The following PRSS12 variants were observed in gnomAD, a reference collection of about 807,000 sequenced individuals.
PRSS12 encodes the protein serine protease 12, also known as neurotrypsin.
PRSS12 carries 85 observed loss-of-function variants against 104.4 expected under a neutral mutation model. The observed-to-expected ratio is 0.81, with a 90% CI of 0.68 to 0.98. The LOEUF (loss-of-function observed/expected upper bound fraction) is 0.98, where lower values mean the gene tolerates loss of function less well. Ranked by LOEUF, PRSS12 falls within the 50% of genes least tolerant of loss-of-function variation. The pLI is 0.00. For missense variants in PRSS12, 1,141 were observed against 1,139.2 expected (o/e 1.00, Z -0.02); for synonymous variants, 454 against 425.2 (o/e 1.07, Z -0.83).
intron 7 of PRSS12, among the ~76,000 whole-genome samples, chr4:118,310,802 G>C (rs1204588497): frequency 6.6e-6 from 1 of 152,172 alleles, no homozygotes; most frequent in Non-Finnish European, 1.5e-5. Flanking sequence ...TGTAATCCCA[G>C]CACTTTGGGA....
chr4:118,335,478 G>T lies in PRSS12; in HGVS notation c.815C>A (p.Ser272Tyr), dbSNP rs1178390307. The T allele has an allele frequency of 2.0e-5, 32 of 1,613,688 alleles. No homozygotes were observed. Among genetic ancestry groups the T allele is most frequent in the Non-Finnish European group, 2.2e-5 (26 of 1,179,846 alleles). ...AACTTTTTTCTTTTTTTTACCATGG[G>T]AAAAGCTACACGTGACAGCAGCTGC... ...KMAAAVTCSF[S>Y]HGPTFPIIRL... The change falls in exon 3 of 13, where the codon TCC becomes TAC. Residue 272 changes from serine (S) to tyrosine (Y), a missense_variant. Physicochemically the swap from Ser to Tyr is moderately radical, Grantham distance 144. Coordinates refer to ENST00000296498, the MANE Select transcript of PRSS12 (RefSeq NM_003619.4).
intron 8 of PRSS12, among the ~76,000 whole-genome samples, chr4:118,301,505 C>T (rs144681609): frequency 8.5e-4 from 130 of 152,172 alleles, no homozygotes; most frequent in Admixed American, 1.8e-3. Context: ...GAAGTCAAAT[C>T]CCCCTCCCCA....
chr4:118,312,231 A>C (rs527533465), intron 7 of PRSS12, among the ~76,000 whole-genome samples: 1 of 152,282 alleles, frequency 6.6e-6, no homozygotes, highest in East Asian at 1.9e-4. Context: ...AGGTTCAAAA[A>C]GTTGTTACTT....
In PRSS12 at chr4:118,281,700, T is replaced by C; in HGVS notation, c.*236A>G. ...GGGGATAGATGAGGCTTAGAATAAG[T>C]CACTCCAGTGAAATTAGGGTAGAAA... On this transcript the variant is annotated 3_prime_UTR_variant, in exon 13 of 13. Transcript: ENST00000296498. 2 of 565,560 alleles carry C rather than the reference T, an allele frequency of 3.5e-6. No individual in the cohort carries two copies. Among genetic ancestry groups the C allele is most frequent in the Non-Finnish European group, 6.3e-6 (2 of 315,292 alleles). The allele number at this position is 565,560 out of a possible 1,614,324, so 35.0% of individuals were successfully genotyped here.
chr4:118,292,080 T>A (rs1743142084), intron 11 of PRSS12, among the ~76,000 whole-genome samples: 1 of 151,968 alleles, frequency 6.6e-6, no homozygotes, highest in Admixed American at 6.6e-5. Flanking sequence ...TTAGAAGAAA[T>A]TTTTAAAAAT....
intron 6 of PRSS12, among the ~76,000 whole-genome samples, chr4:118,315,630 G>A (rs1404504755): frequency 1.3e-5 from 2 of 152,146 alleles, no homozygotes. Flanking sequence ...ACTCTGGAAT[G>A]CATTATGTGT....
Position 118,308,412 on chromosome 4 carries a change from C to G in PRSS12, c.1631+24G>C, listed in dbSNP as rs199770197. The G allele has an allele frequency of 2.0e-3, 3,298 of 1,613,682 alleles. 5 individuals are homozygous for G. The highest frequency in any genetic ancestry group is 2.4e-3 in the Non-Finnish European group (2,851 of 1,179,810). ...TTCAGATATGCTCATCAGTAACCAT[C>G]CCAAATAATTAGGTTTTCCTTACTT... On this transcript the variant is annotated intron_variant, in intron 8 of 12. Transcript: ENST00000296498.
At chr4:118,346,405 T>C (rs62328872) in intron 1 of PRSS12, among the ~76,000 whole-genome samples, 5,681 of 151,748 alleles carry the variant, frequency 0.037, 166 homozygotes, top group Middle Eastern at 0.1. Context: ...ATGTATTATA[T>C]ATAAATTTCA....
intron 2 of PRSS12, among the ~76,000 whole-genome samples, chr4:118,336,043 G>A (rs1164492521): frequency 1.3e-5 from 2 of 152,184 alleles, no homozygotes; most frequent in Admixed American, 6.5e-5. Flanking sequence ...CAAGTAACTC[G>A]AAGGCTTTGT....
At chr4:118,347,686 GT>G (rs1724392636) in intron 1 of PRSS12, among the ~76,000 whole-genome samples, 1 of 152,140 alleles carries the variant, frequency 6.6e-6, no homozygotes, top group African/African-American at 2.4e-5. Context: ...GTGTTTTGTT[GT>G]GTTTGTTTTG....
At chr4:118,309,757 G>A (rs1168833839) in intron 7 of PRSS12, among the ~76,000 whole-genome samples, 1 of 152,176 alleles carries the variant, frequency 6.6e-6, no homozygotes, top group South Asian at 2.1e-4. Flanking sequence ...TAGGGAGGTA[G>A]AAGTCTGCAG....
intron 4 of PRSS12, among the ~76,000 whole-genome samples, chr4:118,322,247 G>C (rs1394258023): frequency 6.6e-6 from 1 of 152,086 alleles, no homozygotes; most frequent in African/African-American, 2.4e-5. Context: ...GAGAAAACAT[G>C]TTCATAAAAC....
At chr4:118,327,200 G>T (rs141767595) in intron 4 of PRSS12, among the ~76,000 whole-genome samples, 1 of 151,836 alleles carries the variant, frequency 6.6e-6, no homozygotes, top group South Asian at 2.1e-4. Flanking sequence ...TGTCACCCAC[G>T]CTGGAGTGCA....
intron 11 of PRSS12, among the ~76,000 whole-genome samples, chr4:118,289,924 G>C (rs1227149651): frequency 1.3e-5 from 2 of 152,112 alleles, no homozygotes; most frequent in Admixed American, 1.3e-4. Context: ...ATCTTAAACT[G>C]TGCAAATAAT....
At position 118,282,155 on chromosome 4, in the gene PRSS12, T is replaced by C. The variant is rs1207311207; in HGVS notation, c.2409A>G (p.Thr803=). 1.2e-6 allele frequency: 2 copies of C among 1,614,228 alleles called. No homozygotes were observed. The highest frequency in any genetic ancestry group is 3.3e-5 in the Admixed American group (2 of 60,024). Residue 803 remains threonine, a synonymous_variant, in exon 13 of 13, where the codon ACA becomes ACG. Transcript: ENST00000296498. ...FCEERYKGRF[T]GRMLCAGNLH... ...GGTTTCCAGCACAAAGCATTCTCCC[T>C]GTAAACCGACCCTTATAACGTTCTT...
Position 118,282,059 on chromosome 4 carries a change from T to TCCGGG in PRSS12, c.2500_2504dup (p.Glu836ProfsTer10). 2 of 1,614,148 alleles carry TCCGGG rather than the reference T, an allele frequency of 1.2e-6. No individual in the cohort carries two copies. The highest frequency in any genetic ancestry group is 1.7e-6 in the Non-Finnish European group (2 of 1,180,040). On this transcript the variant is annotated frameshift_variant, in exon 13 of 13. Transcript: ENST00000296498. LOFTEE classifies it high-confidence loss of function. ...TCACCCCATACACCACCCAGCTCTC[T>TCCGGG]CCGGGCCGTTCACACATGAGTGGTC...
At chr4:118,290,297 T>C (rs1360401317) in intron 11 of PRSS12, among the ~76,000 whole-genome samples, 2 of 152,208 alleles carry the variant, frequency 1.3e-5, no homozygotes, top group Non-Finnish European at 2.9e-5. Context: ...GTGCAACTTT[T>C]GAGCAATCTT....
intron 1 of PRSS12, among the ~76,000 whole-genome samples, chr4:118,348,654 CTT>C (rs35216011): frequency 4.1e-5 from 6 of 144,654 alleles, no homozygotes; most frequent in Non-Finnish European, 7.5e-5. Context: ...CAGAATGATT[CTT>C]TTTTTTTTTT....
chr4:118,285,114 A>T (rs1364184683), intron 11 of PRSS12, among the ~76,000 whole-genome samples: 2 of 152,198 alleles, frequency 1.3e-5, no homozygotes, highest in Admixed American at 1.3e-4. Context: ...AATAAAGATG[A>T]TTTGGCTTAT....
Sources: allele counts gnomAD v4.1 joint callset (sites outside exome capture counted in the v4.1 genomes callset), GRCh38; gene constraint gnomAD v4.1.1; transcripts MANE v1.5; gene names NCBI Gene and HGNC (gene_info 2026-07-23, HGNC 2026-07-21).